The following PDS5B variants were observed in gnomAD, a reference collection of about 807,000 sequenced individuals.
The protein encoded by PDS5B is sister chromatid cohesion protein PDS5 homolog B.
In PDS5B, 51 loss-of-function variants were observed where a neutral mutation model predicts 184.1. That is an observed-to-expected ratio of 0.28 (90% CI 0.22 to 0.35). The LOEUF (loss-of-function observed/expected upper bound fraction) is 0.35. Among genes scored for constraint, PDS5B ranks in the 10% least tolerant of loss-of-function variants. The pLI is 1.00. For synonymous variants in PDS5B, 566 were observed against 569.2 expected, an observed-to-expected ratio of 0.99 and a Z score of 0.08; for missense variants, 1,180 against 1,723.3, an observed-to-expected ratio of 0.68 and a Z score of 5.58.
intron 8 of PDS5B, among the ~76,000 whole-genome samples, chr13:32,673,952 A>C (rs1461861585): frequency 0.042 from 6 of 142 alleles, no homozygotes; most frequent in African/African-American, 0.2. Flanking sequence ...AGTAGCTGGG[A>C]CTACAGGCTG....
At chr13:32,733,913 G>A (rs957996980) in intron 20 of PDS5B, among the ~76,000 whole-genome samples, 3 of 150,134 alleles carry the variant, frequency 2.0e-5, no homozygotes, top group Admixed American at 6.6e-5. Context: ...ACATACACAC[G>A]CATATTTTGT....
chr13:32,637,047 A>T (rs1400804360), intron 1 of PDS5B, among the ~76,000 whole-genome samples: 1 of 152,218 alleles, frequency 6.6e-6, no homozygotes, highest in Non-Finnish European at 1.5e-5. Context: ...GTAATGAGCA[A>T]ATGGTCAGAT....
intron 1 of PDS5B, among the ~76,000 whole-genome samples, chr13:32,625,397 A>G (rs995985674): frequency 2.6e-5 from 4 of 152,166 alleles, no homozygotes; most frequent in Admixed American, 1.3e-4. Flanking sequence ...AGTTTTACAT[A>G]TACAAATCTC....
At chr13:32,768,847 A>T (rs568164026) in intron 31 of PDS5B, among the ~76,000 whole-genome samples, 90 of 144,722 alleles carry the variant, frequency 6.2e-4, no homozygotes, top group African/African-American at 2.2e-3. Context: ...CATGCCTGTA[A>T]TCCCAGCACT....
intron 1 of PDS5B, among the ~76,000 whole-genome samples, chr13:32,609,908 A>C (rs2140505951): frequency 6.6e-6 from 1 of 152,260 alleles, no homozygotes; most frequent in South Asian, 2.1e-4. Context: ...AAGAAAAAAA[A>C]AAAACAAAAA....
intron 1 of PDS5B, among the ~76,000 whole-genome samples, chr13:32,637,471 C>T (rs1172152483): frequency 2.0e-5 from 3 of 152,010 alleles, no homozygotes; most frequent in Non-Finnish European, 4.4e-5. Context: ...ATCTTGAGTT[C>T]GCGGTATCTT....
At chr13:32,746,646 C>T (rs758249738) in intron 24 of PDS5B, among the ~76,000 whole-genome samples, 16 of 152,118 alleles carry the variant, frequency 1.1e-4, no homozygotes, top group Non-Finnish European at 2.1e-4. Context: ...AAACACCAGA[C>T]AGTACTTCAT....
At chr13:32,692,851 G>T (rs1466543610) in intron 13 of PDS5B, among the ~76,000 whole-genome samples, 2 of 151,788 alleles carry the variant, frequency 1.3e-5, no homozygotes, top group Non-Finnish European at 2.9e-5. Context: ...TGAAAGGATA[G>T]TTCCTATAAA....
rs569035397 is a variant in PDS5B, at chr13:32,721,484, C to T, written c.2124-10617C>T. On this transcript the variant is annotated intron_variant, in intron 19 of 34. Coordinates refer to ENST00000315596, the MANE Select transcript of PDS5B (RefSeq NM_015032.4). ...GCAGAGGTGCTCCTCAGTTTCCAGACGGGGTCGTGGCCGGGCAGAGGCGCT... is the reference window on the plus strand; with the variant it reads ...GCAGAGGTGCTCCTCAGTTTCCAGATGGGGTCGTGGCCGGGCAGAGGCGCT... Among the ~76,000 whole-genome samples the T allele has an allele frequency of 2.1e-4, 32 of 149,378 alleles. 1 individual carries two copies. The highest frequency in any genetic ancestry group is 3.6e-3 in the Middle Eastern group (1 of 274).
At chr13:32,655,374 A>ATATATATATATATATATATATATATTTT in intron 3 of PDS5B, among the ~76,000 whole-genome samples, 2 of 72,464 alleles carry the variant, frequency 2.8e-5, no homozygotes, top group African/African-American at 8.3e-5. Flanking sequence ...ATATATATAT[A>ATATATATATATATATATATATATATTTT]TTTTTTTTTT....
chr13:32,710,997 CTTTTTTT>C (rs906113848), intron 19 of PDS5B, among the ~76,000 whole-genome samples: 1 of 146,786 alleles, frequency 6.8e-6, no homozygotes, highest in Admixed American at 6.8e-5. Flanking sequence ...TTCTTTTTTT[CTTTTTTT>C]TTTTGAGATG....
chr13:32,744,213 C>G (rs1953665904), intron 23 of PDS5B, among the ~76,000 whole-genome samples: 1 of 152,030 alleles, frequency 6.6e-6, no homozygotes, highest in Admixed American at 6.5e-5. Flanking sequence ...AATAGTATCT[C>G]CTTATAGAGT....
At chr13:32,697,968 G>T in intron 15 of PDS5B, among the ~76,000 whole-genome samples, 1 of 152,132 alleles carries the variant, frequency 6.6e-6, no homozygotes, top group South Asian at 2.1e-4. Context: ...GATTACAGGT[G>T]TGAGCCACGG....
intron 6 of PDS5B, 41 bp from the exon 7 acceptor site, chr13:32,667,723 A>T (rs777803151): frequency 5.7e-6 from 7 of 1,224,604 alleles, no homozygotes; most frequent in Middle Eastern, 4.8e-4. Context: ...TGCTTTTCAT[A>T]GTTAGAGATA....
At chr13:32,715,026 A>G (rs1952330294) in intron 19 of PDS5B, among the ~76,000 whole-genome samples, 1 of 152,232 alleles carries the variant, frequency 6.6e-6, no homozygotes, top group South Asian at 2.1e-4. Context: ...TGGGGAACTA[A>G]TAAATGTCCA....
intron 26 of PDS5B, among the ~76,000 whole-genome samples, chr13:32,756,561 C>T (rs567792157): frequency 1.3e-4 from 20 of 152,196 alleles, no homozygotes; most frequent in African/African-American, 4.6e-4. Flanking sequence ...TCTTTAAGAC[C>T]AGCATAATTC....
At chr13:32,721,338 C>A (rs940450231) in intron 19 of PDS5B, among the ~76,000 whole-genome samples, 1 of 150,258 alleles carries the variant, frequency 6.7e-6, no homozygotes, top group South Asian at 2.1e-4. Context: ...GGGGCGGCTG[C>A]CGGGCGAGGG....
At chr13:32,722,778 G>A (rs1290495442) in intron 19 of PDS5B, among the ~76,000 whole-genome samples, 1 of 152,228 alleles carries the variant, frequency 6.6e-6, no homozygotes, top group East Asian at 1.9e-4. Context: ...TTGGGAAGAA[G>A]TAATGTTAAG....
chr13:32,751,046 A>G (rs1051768332), intron 24 of PDS5B, among the ~76,000 whole-genome samples: 1 of 152,166 alleles, frequency 6.6e-6, no homozygotes, highest in Non-Finnish European at 1.5e-5. Flanking sequence ...TCCACCCTCA[A>G]GAAGGCTTTG....
Sources: gnomAD v4.1 joint callset for allele counts (sites outside exome capture counted in the v4.1 genomes callset) on GRCh38, gnomAD v4.1.1 for gene constraint, MANE v1.5 for transcripts, NCBI Gene and HGNC (gene_info 2026-07-23, HGNC 2026-07-21) for gene names.